IFI44L: variants seen among roughly 807,000 people sequenced by gnomAD.
The protein encoded by IFI44L is interferon-induced protein 44-like.
In IFI44L, 40 loss-of-function variants were observed where a neutral mutation model predicts 39.3. The ratio of observed to expected loss-of-function variants is 1.02; its 90% CI spans 0.79 to 1.33. IFI44L has a LOEUF of 1.33. Ranked by LOEUF, IFI44L falls within the 40% of genes most tolerant of loss-of-function variation. IFI44L has a pLI of 0.00. For missense variants in IFI44L, 623 were observed against 549.0 expected, an observed-to-expected ratio of 1.13 and a Z score of -1.35; for synonymous variants, 198 against 182.3, an observed-to-expected ratio of 1.09 and a Z score of -0.69.
rs942665592 is a variant in IFI44L at position 78,642,868 on chromosome 1, G to A, written c.*1059G>A. 6.6e-6 allele frequency: 1 copy of A among 152,008 alleles called. No homozygotes were observed. The highest frequency in any genetic ancestry group is 6.6e-5 in the Admixed American group (1 of 15,244). 9.4% of individuals were successfully genotyped at this position (152,008 alleles called of 1,614,324 possible). On this transcript the variant is annotated 3_prime_UTR_variant, in exon 9 of 9. Coordinates refer to ENST00000370751, the MANE Select transcript of IFI44L (RefSeq NM_006820.4). ...CATGTGTCCTTCCATTTAGGTTACTGGGGCAAATCAGTAAGAAAGTTCTTA... is the reference window on the plus strand; with the variant it reads ...CATGTGTCCTTCCATTTAGGTTACTAGGGCAAATCAGTAAGAAAGTTCTTA...
chr1:78,640,856 T>A (rs1646974960), intron 6 of IFI44L, among the ~76,000 whole-genome samples, 165 bp from the exon 7 acceptor site: 1 of 152,168 alleles, frequency 6.6e-6, no homozygotes, highest in African/African-American at 2.4e-5. Context: ...TCAAAGATCA[T>A]TTCTCCTCTA....
chr1:78,624,287 C>T (rs915981470), intron 1 of IFI44L, among the ~76,000 whole-genome samples: 6 of 152,278 alleles, frequency 3.9e-5, no homozygotes, highest in South Asian at 2.1e-4. Flanking sequence ...TGAGTCACCA[C>T]GCCTGGCCTC....
chr1:78,641,875 T>C lies in IFI44L; in HGVS notation c.*66T>C, dbSNP rs1646990975. On this transcript the variant is annotated 3_prime_UTR_variant, in exon 9 of 9. Coordinates refer to ENST00000370751, the MANE Select transcript of IFI44L (RefSeq NM_006820.4). Reference sequence around the variant, plus strand: ...TGGTGTGCCGCAATGAGAGTCAATCTCTATTGACAGCCTGCTTCAGATTTT... The same window carrying C: ...TGGTGTGCCGCAATGAGAGTCAATCCCTATTGACAGCCTGCTTCAGATTTT... The C allele has an allele frequency of 1.3e-6, 2 of 1,506,352 alleles. No individual in the cohort carries two copies. The highest frequency in any genetic ancestry group is 1.1e-5 in the South Asian group (1 of 88,864). 93.3% of individuals were successfully genotyped at this position (1,506,352 alleles called of 1,614,324 possible).
chr1:78,621,758 C>T (rs1252241429), intron 1 of IFI44L, among the ~76,000 whole-genome samples: 1 of 151,744 alleles, frequency 6.6e-6, no homozygotes, highest in East Asian at 1.9e-4. Flanking sequence ...TGGTTTTACA[C>T]AATAACTTAA....
chr1:78,630,017 G>C (rs1480245689), intron 4 of IFI44L, 102 bp downstream of exon 4: 7 of 1,090,544 alleles, frequency 6.4e-6, no homozygotes, highest in Non-Finnish European at 9.6e-6. Context: ...ACAATTAAAT[G>C]CTAAATCAAA....
intron 1 of IFI44L, chr1:78,626,291 A>G (rs1652483683): frequency 6.6e-6 from 1 of 151,968 alleles, no homozygotes; most frequent in South Asian, 2.1e-4. Context: ...TTTACTGTAA[A>G]TCATTCAATC....
At chr1:78,634,003 A>T (rs962348517) in intron 4 of IFI44L, among the ~76,000 whole-genome samples, 2 of 152,128 alleles carry the variant, frequency 1.3e-5, no homozygotes, top group Non-Finnish European at 2.9e-5. Context: ...ACTTAAAGGT[A>T]GGTTATTTGA....
At chr1:78,624,151 C>G (rs190826945) in intron 1 of IFI44L, among the ~76,000 whole-genome samples, 2 of 151,980 alleles carry the variant, frequency 1.3e-5, no homozygotes, top group Non-Finnish European at 1.5e-5. Context: ...ACCACCACAC[C>G]CAATTTTTGT....
At chr1:78,633,790 G>T (rs563182051) in intron 4 of IFI44L, among the ~76,000 whole-genome samples, 1 of 152,170 alleles carries the variant, frequency 6.6e-6, no homozygotes, top group South Asian at 2.1e-4. Context: ...TTTTAAGGAA[G>T]CACAGCAAAC....
chr1:78,628,434 C>A (rs371829329), intron 2 of IFI44L, 41 bp downstream of exon 2: 3 of 1,147,368 alleles, frequency 2.6e-6, no homozygotes, highest in South Asian at 1.5e-5. Flanking sequence ...CATTATGATT[C>A]TAATCCTTGT....
At chr1:78,639,941 T>G (rs888567324) in intron 6 of IFI44L, among the ~76,000 whole-genome samples, 2 of 152,222 alleles carry the variant, frequency 1.3e-5, no homozygotes, top group Non-Finnish European at 2.9e-5. Flanking sequence ...GAAAGGTAAT[T>G]TAATTGCTCT....
At chr1:78,622,257 G>A (rs1652304905) in intron 1 of IFI44L, among the ~76,000 whole-genome samples, 1 of 152,024 alleles carries the variant, frequency 6.6e-6, no homozygotes, top group African/African-American at 2.4e-5. Flanking sequence ...CAAATGACAT[G>A]ATTTTACTGT....
intron 7 of IFI44L, 22 bp downstream of exon 7, chr1:78,641,143 C>A: frequency 2.0e-6 from 3 of 1,469,720 alleles, no homozygotes; most frequent in Non-Finnish European, 2.9e-6. Flanking sequence ...TGATCATAAC[C>A]AGATATTATT....
In IFI44L at chr1:78,623,433, T is replaced by C. The variant is rs1284514872; in HGVS notation, c.-11+2862T>C. ...TTTTTTTTTTTTTTTTTTTAAATCA[T>C]GGAAGGACTTGGGTTTTATCAAATG... On this transcript the variant is annotated intron_variant, in intron 1 of 8. Transcript: ENST00000370751. Among the ~76,000 whole-genome samples the C allele has an allele frequency of 1.0e-4, 14 of 139,162 alleles. 2 individuals are homozygous for C. In the Admixed American group the frequency reaches 1.0e-3, roughly 10 times the overall value. 91.3% of individuals were successfully genotyped at this position (139,162 alleles called of 152,430 possible).
At chr1:78,623,858 C>T (rs1265202652) in intron 1 of IFI44L, among the ~76,000 whole-genome samples, 2 of 152,168 alleles carry the variant, frequency 1.3e-5, no homozygotes, top group African/African-American at 2.4e-5. Context: ...TTTGCTCTTC[C>T]TCTGCCTTTT....
At chr1:78,637,660 T>C (rs554783111) in intron 6 of IFI44L, among the ~76,000 whole-genome samples, 3 of 152,208 alleles carry the variant, frequency 2.0e-5, no homozygotes, top group African/African-American at 7.2e-5. Context: ...CACTAATATT[T>C]TCTTCATTTC....
Position 78,628,251 on chromosome 1 carries a change from G to T in IFI44L, c.336G>T (p.Leu112=), listed in dbSNP as rs1323578825. The stretch of plus-strand genomic sequence containing the variant: ...CACCAAAAATTATTGATGAGCAACT[G>T]GTGTGTCGTTTATCGAAAACGGATA... ...NTAPKIIDEQ[L]VCRLSKTDIF... is the part of the protein sequence containing the mutation. The change falls in exon 2 of 9, where the codon CTG becomes CTT. Residue 112 remains leucine, a synonymous_variant. Transcript: ENST00000370751. 1.2e-6 allele frequency: 2 copies of T among 1,611,428 alleles called. No individual in the cohort carries two copies. The highest frequency in any genetic ancestry group is 1.3e-5 in the African/African-American group (1 of 74,798).
chr1:78,628,827 C>G (rs1652604575), intron 2 of IFI44L, 124 bp from the exon 3 acceptor site: 2 of 643,188 alleles, frequency 3.1e-6, no homozygotes, highest in African/African-American at 3.7e-5. Flanking sequence ...AACTCTGACT[C>G]CTAACTGAGC....
intron 4 of IFI44L, among the ~76,000 whole-genome samples, chr1:78,631,960 A>G (rs1652765335): frequency 6.6e-6 from 1 of 152,126 alleles, no homozygotes; most frequent in Non-Finnish European, 1.5e-5. Context: ...TTACTCCTTG[A>G]TGAATAGTAA....
Sources: gnomAD v4.1 joint callset for allele counts (sites outside exome capture counted in the v4.1 genomes callset) on GRCh38, gnomAD v4.1.1 for gene constraint, MANE v1.5 for transcripts, NCBI Gene and HGNC (gene_info 2026-07-23, HGNC 2026-07-21) for gene names.